The following PCDHA1 variants were observed in gnomAD, a reference collection of about 807,000 sequenced individuals.
The protein encoded by PCDHA1 is protocadherin alpha-1.
PCDHA1 carries 42 observed loss-of-function variants against 61.3 expected under a neutral mutation model. The observed-to-expected ratio is 0.69, with a 90% CI of 0.54 to 0.89. The LOEUF (loss-of-function observed/expected upper bound fraction) is 0.89, where lower values mean the gene tolerates loss of function less well. PCDHA1 is among the 40% of genes least tolerant of loss of function. The pLI, the probability that PCDHA1 is intolerant of heterozygous loss-of-function variation, is 0.00. For synonymous variants in PCDHA1, 610 were observed against 553.8 expected, an observed-to-expected ratio of 1.10 and a Z score of -1.43; for missense variants, 1,256 against 1,235.3, an observed-to-expected ratio of 1.02 and a Z score of -0.25.
At chr5:140,843,431 A>G (rs1554140071) in intron 1 of PCDHA1, 3 of 1,596,040 alleles carry the variant, frequency 1.9e-6, no homozygotes, top group South Asian at 1.1e-5. Flanking sequence ...GATCATCGCC[A>G]TCTGCGCGGT....
At chr5:140,922,565 C>G (rs1334011438) in intron 1 of PCDHA1, among the ~76,000 whole-genome samples, 1 of 152,150 alleles carries the variant, frequency 6.6e-6, no homozygotes, top group Non-Finnish European at 1.5e-5. Context: ...GTCAGGATGA[C>G]AAGTTGCCCT....
chr5:140,794,731 C>T, intron 1 of PCDHA1: 1 of 486,814 alleles, frequency 2.1e-6, no homozygotes, highest in Non-Finnish European at 3.6e-6. Flanking sequence ...AAACTTAAAC[C>T]AGAAAATCGA....
chr5:140,871,130 A>T, intron 1 of PCDHA1: 1 of 1,613,360 alleles, frequency 6.2e-7, no homozygotes, highest in Non-Finnish European at 8.5e-7. Context: ...CAGGCGCCAA[A>T]GGCCTCTTCC....
intron 1 of PCDHA1, among the ~76,000 whole-genome samples, chr5:140,820,122 T>C (rs1227258253): frequency 6.6e-6 from 1 of 151,978 alleles, no homozygotes; most frequent in Non-Finnish European, 1.5e-5. Flanking sequence ...TTTTTAACCA[T>C]TGTGTATTAA....
chr5:140,793,970 C>T (rs1256822638), intron 1 of PCDHA1, among the ~76,000 whole-genome samples: 5 of 152,074 alleles, frequency 3.3e-5, no homozygotes, highest in African/African-American at 7.2e-5. Flanking sequence ...ACTAAAATAC[C>T]TTTGATTACT....
chr5:141,002,284 A>T (rs1334096097), intron 3 of PCDHA1, among the ~76,000 whole-genome samples: 1 of 152,180 alleles, frequency 6.6e-6, no homozygotes, highest in Non-Finnish European at 1.5e-5. Flanking sequence ...CAAAGGGATG[A>T]ATGGGGAGCA....
intron 1 of PCDHA1, chr5:140,966,954 G>T (rs782541612): frequency 6.2e-7 from 1 of 1,601,606 alleles, no homozygotes; most frequent in Non-Finnish European, 8.5e-7. Flanking sequence ...AACGTGGCTC[G>T]CGCGCTGGGG....
chr5:140,945,539 A>G (rs1233256432), intron 1 of PCDHA1, among the ~76,000 whole-genome samples: 1 of 152,052 alleles, frequency 6.6e-6, no homozygotes, highest in Non-Finnish European at 1.5e-5. Flanking sequence ...AAACATACAA[A>G]CAAAAAAATG....
chr5:140,834,430 T>G lies in PCDHA1; in HGVS notation c.2394+45746T>G, dbSNP rs1772988192. 1.9e-6 allele frequency: 3 copies of G among 1,613,806 alleles called. No homozygotes were observed. In the East Asian group the frequency reaches 6.7e-5, roughly 36 times the overall value. On this transcript the variant is annotated intron_variant, in intron 1 of 3. Coordinates refer to ENST00000504120, the MANE Select transcript of PCDHA1 (RefSeq NM_018900.4). ...GACCCAGGGGGCCGACATCTACTGC[T>G]GTTTATTATAATTCTAGCAGCTTGG...
At chr5:140,830,998 TA>T (rs1184514649) in intron 1 of PCDHA1, 3 of 152,294 alleles carry the variant, frequency 2.0e-5, no homozygotes, top group Admixed American at 6.5e-5. Flanking sequence ...TCATAGTTTT[TA>T]TCTGTGGTTC....
chr5:140,836,286 C>A (rs146878440), intron 1 of PCDHA1: 2 of 1,613,774 alleles, frequency 1.2e-6, no homozygotes, highest in East Asian at 2.2e-5. Context: ...CAGCACGACA[C>A]GAGCCCTAGA....
chr5:140,845,803 T>C (rs1319133517), intron 1 of PCDHA1, among the ~76,000 whole-genome samples: 3 of 149,694 alleles, frequency 2.0e-5, no homozygotes, highest in Non-Finnish European at 4.5e-5. Flanking sequence ...TGGCAAGTGA[T>C]AGGTACATAA....
At chr5:140,815,002 C>T (rs1554126657) in intron 1 of PCDHA1, 1 of 152,080 alleles carries the variant, frequency 6.6e-6, no homozygotes, top group African/African-American at 2.4e-5. Context: ...GTAGCTGTTT[C>T]CACATTTGCA....
intron 1 of PCDHA1, chr5:140,797,566 C>A: frequency 1.5e-6 from 1 of 668,078 alleles, no homozygotes; most frequent in Non-Finnish European, 2.5e-6. Flanking sequence ...TACATTTTGG[C>A]ACTTCCATCA....
chr5:140,914,639 G>C (rs1348153716), intron 1 of PCDHA1, among the ~76,000 whole-genome samples: 5 of 151,890 alleles, frequency 3.3e-5, no homozygotes, highest in Admixed American at 3.3e-4. Context: ...TGGTTTCATG[G>C]TCATCTCTCC....
intron 1 of PCDHA1, among the ~76,000 whole-genome samples, chr5:140,941,034 G>A (rs1384147296): frequency 6.6e-6 from 1 of 151,968 alleles, no homozygotes; most frequent in Non-Finnish European, 1.5e-5. Context: ...GGCCTTTTTG[G>A]TGCCAAGTCA....
In PCDHA1 at chr5:140,788,514, T is replaced by C. The variant is rs1554118278; in HGVS notation, c.2224T>C (p.Ser742Pro). The C allele has an allele frequency of 6.2e-7, 1 of 1,614,056 alleles. No individual in the cohort carries two copies. Residue 742 changes from serine (S) to proline (P), a missense_variant, in exon 1 of 4, where the codon TCC becomes CCC. By Grantham distance (74) the Ser-to-Pro change is moderately conservative (BLOSUM62 -1). Transcript: ENST00000504120. ...YVPGKPTLVC[S>P]SALGSWSNSQ... ...GCCGGGCAAGCCCACTCTGGTGTGCTCCAGCGCGTTGGGGAGCTGGTCGAA... is the reference window on the plus strand; with the variant it reads ...GCCGGGCAAGCCCACTCTGGTGTGCCCCAGCGCGTTGGGGAGCTGGTCGAA...
At chr5:140,835,789 C>A (rs2150244748) in intron 1 of PCDHA1, 8 of 1,613,106 alleles carry the variant, frequency 5.0e-6, no homozygotes, top group Non-Finnish European at 5.9e-6. Context: ...GAGAACAACC[C>A]GCCGGGCTGC....
At chr5:140,803,952 A>G (rs79577696) in intron 1 of PCDHA1, 38 of 354,936 alleles carry the variant, frequency 1.1e-4, no homozygotes, top group African/African-American at 6.0e-4. Context: ...TGCTTCTTCA[A>G]TATCTTTTGC....
Sources: gnomAD v4.1 joint callset for allele counts (sites outside exome capture counted in the v4.1 genomes callset) on GRCh38, gnomAD v4.1.1 for gene constraint, MANE v1.5 for transcripts, NCBI Gene and HGNC (gene_info 2026-07-23, HGNC 2026-07-21) for gene names.